The following PTPRM variants were observed in gnomAD, a reference collection of about 807,000 sequenced individuals.
PTPRM encodes receptor-type tyrosine-protein phosphatase mu.
A neutral mutation model predicts 186.7 loss-of-function variants in PTPRM; 47 were observed. The observed-to-expected ratio is 0.25, with a 90% CI of 0.20 to 0.32. The LOEUF (loss-of-function observed/expected upper bound fraction) is 0.32. Ranked by LOEUF, PTPRM falls within the 10% of genes least tolerant of loss-of-function variation. The pLI, the probability that PTPRM is intolerant of heterozygous loss-of-function variation, is 1.00. For missense variants in PTPRM, 1,494 were observed against 1,865.0 expected (o/e 0.80, Z 3.66); for synonymous variants, 668 against 674.9 (o/e 0.99, Z 0.16).
chr18:7,630,582 A>G (rs2038168402), intron 1 of PTPRM, among the ~76,000 whole-genome samples: 1 of 152,176 alleles, frequency 6.6e-6, no homozygotes, highest in Admixed American at 6.5e-5. Flanking sequence ...TAAAAGATGG[A>G]GTAGCCTTTT....
At chr18:8,280,479 T>C (rs1320647259) in intron 19 of PTPRM, among the ~76,000 whole-genome samples, 4 of 151,344 alleles carry the variant, frequency 2.6e-5, no homozygotes, top group African/African-American at 9.7e-5. Context: ...TGCTGAGAGG[T>C]CTCGCAATTT....
chr18:7,605,589 C>G (rs2037513036), intron 1 of PTPRM, among the ~76,000 whole-genome samples: 1 of 152,140 alleles, frequency 6.6e-6, no homozygotes, highest in Admixed American at 6.6e-5. Flanking sequence ...CGAACCAAAT[C>G]TCTTTGGTTA....
intron 13 of PTPRM, among the ~76,000 whole-genome samples, chr18:8,143,415 GC>G (rs2092809136): frequency 1.3e-5 from 2 of 152,142 alleles, no homozygotes; most frequent in South Asian, 4.1e-4. Context: ...AAAGGGTCAG[GC>G]ATGGGTGTGC....
intron 5 of PTPRM, among the ~76,000 whole-genome samples, chr18:7,943,162 T>C (rs1177280253): frequency 1.3e-5 from 2 of 152,100 alleles, no homozygotes; most frequent in Non-Finnish European, 2.9e-5. Flanking sequence ...CTCACCCAGC[T>C]TTCCCCACTC....
intron 11 of PTPRM, among the ~76,000 whole-genome samples, chr18:8,098,620 TAAG>T (rs1368726829): frequency 6.6e-6 from 1 of 152,048 alleles, no homozygotes; most frequent in Non-Finnish European, 1.5e-5. Context: ...TTTTTTTTAA[TAAG>T]AAGAGTAATT....
intron 1 of PTPRM, among the ~76,000 whole-genome samples, chr18:7,601,807 C>T (rs902351068): frequency 1.3e-5 from 2 of 152,192 alleles, no homozygotes; most frequent in African/African-American, 2.4e-5. Context: ...ACCCGGGTAA[C>T]AGTAATCTAC....
intron 1 of PTPRM, among the ~76,000 whole-genome samples, chr18:7,688,439 C>G (rs919724704): frequency 2.6e-5 from 4 of 152,170 alleles, no homozygotes; most frequent in Non-Finnish European, 5.9e-5. Context: ...AAAAGCTGCT[C>G]AGACATCTGA....
intron 22 of PTPRM, among the ~76,000 whole-genome samples, chr18:8,328,279 A>G (rs972298982): frequency 1.3e-5 from 2 of 152,236 alleles, no homozygotes; most frequent in Non-Finnish European, 1.5e-5. Context: ...TCAGAGCGTC[A>G]GTGTAACTTC....
At chr18:7,589,028 T>C (rs1211795634) in intron 1 of PTPRM, among the ~76,000 whole-genome samples, 1 of 152,114 alleles carries the variant, frequency 6.6e-6, no homozygotes, top group Non-Finnish European at 1.5e-5. Flanking sequence ...TTTTAAATTT[T>C]GGAGAGATGG....
At position 8,402,734 on chromosome 18, in the gene PTPRM, T is replaced by C. The variant is rs537078274; in HGVS notation, c.4345-3375T>C. On this transcript the variant is annotated intron_variant, in intron 32 of 32. Transcript: ENST00000580170. ...GGAATTTTGAAATTCCAATTATCTCTTTTAAATATTCTGAAAATAAAAGTA... is the reference window on the plus strand; with the variant it reads ...GGAATTTTGAAATTCCAATTATCTCCTTTAAATATTCTGAAAATAAAAGTA... The C allele has an allele frequency of 7.2e-5, 11 of 152,328 alleles. No homozygotes were observed. The East Asian group carries it at 2.1e-3, about 29-fold the overall frequency. The allele number at this position is 152,328 out of a possible 1,614,324, so 9.4% of individuals were successfully genotyped here. A position where few individuals can be genotyped will look rare whatever the true frequency, so the allele number is the denominator to read the frequency against.
chr18:8,182,339 G>A (rs2093587309), intron 14 of PTPRM, among the ~76,000 whole-genome samples: 1 of 152,106 alleles, frequency 6.6e-6, no homozygotes. Flanking sequence ...GTATCCAATA[G>A]GTAGTTTTCC....
chr18:8,167,604 AG>A (rs2093341767), intron 14 of PTPRM, among the ~76,000 whole-genome samples: 1 of 152,246 alleles, frequency 6.6e-6, no homozygotes, highest in Non-Finnish European at 1.5e-5. Context: ...TGTACCTCTG[AG>A]GACTAATGAG....
Position 7,567,559 on chromosome 18 carries a change from G to T in PTPRM, c.-260G>T, listed in dbSNP as rs1027314915. 3.5e-4 allele frequency: 130 copies of T among 374,356 alleles called. No individual in the cohort carries two copies. Among genetic ancestry groups the T allele is most frequent in the Non-Finnish European group, 5.3e-4 (112 of 211,780 alleles). 23.2% of individuals were successfully genotyped at this position (374,356 alleles called of 1,614,324 possible). The stretch of plus-strand genomic sequence containing the variant: ...GGGAAGATTTTGGCTCCGCGGGCTC[G>T]CCCTCCGCTCCCTCTGCCAGCGGCG... On this transcript the variant is annotated 5_prime_UTR_variant, in exon 1 of 33. Transcript: ENST00000580170. This position sits in a 1 kb window ranked among gnomAD's most constrained non-coding sequence, Gnocchi z 4.3.
chr18:7,924,154 G>A (rs2051033807), intron 4 of PTPRM, among the ~76,000 whole-genome samples: 1 of 152,206 alleles, frequency 6.6e-6, no homozygotes, highest in Non-Finnish European at 1.5e-5. Context: ...CACAGCCACG[G>A]TTACTCCCTG....
In PTPRM at chr18:7,567,915, C is replaced by T; in HGVS notation, c.73+24C>T. 6.5e-7 allele frequency: 1 copy of T among 1,536,042 alleles called. No homozygotes were observed. The highest frequency in any genetic ancestry group is 8.7e-7 in the Non-Finnish European group (1 of 1,150,738). Reference sequence around the variant, plus strand: ...AGGTAAGCGGGACCGCCTCTGCCGCCCCCGAGGCGCGCGGGCCGGCGCGGG... The same window carrying T: ...AGGTAAGCGGGACCGCCTCTGCCGCTCCCGAGGCGCGCGGGCCGGCGCGGG... On this transcript the variant is annotated intron_variant, in intron 1 of 32. Coordinates refer to ENST00000580170, the MANE Select transcript of PTPRM (RefSeq NM_001105244.2). The surrounding 1 kb of genome is among the most constrained non-coding windows in gnomAD (Gnocchi z 4.3).
At chr18:7,754,060 T>C (rs1043127460) in intron 1 of PTPRM, among the ~76,000 whole-genome samples, 1 of 152,232 alleles carries the variant, frequency 6.6e-6, no homozygotes, top group African/African-American at 2.4e-5. Context: ...GTTTTATTTT[T>C]CAAAATGACA....
At chr18:7,749,453 T>C (rs1320700248) in intron 1 of PTPRM, 1 of 152,200 alleles carries the variant, frequency 6.6e-6, no homozygotes, top group African/African-American at 2.4e-5. Flanking sequence ...CTGGTTTCCT[T>C]GTATACTTTG....
chr18:8,024,270 C>T (rs1419012084), intron 7 of PTPRM, among the ~76,000 whole-genome samples: 1 of 151,706 alleles, frequency 6.6e-6, no homozygotes. Context: ...TTTCAAGTAA[C>T]TGAAAATTTA....
At chr18:7,769,035 A>G (rs1411534565) in intron 1 of PTPRM, among the ~76,000 whole-genome samples, 1 of 152,126 alleles carries the variant, frequency 6.6e-6, no homozygotes. Flanking sequence ...GAGTGTGGTC[A>G]CATACTGTCA....
Sources: allele counts gnomAD v4.1 joint callset (sites outside exome capture counted in the v4.1 genomes callset), GRCh38; gene constraint gnomAD v4.1.1; non-coding constraint Gnocchi (gnomAD v3.1); transcripts MANE v1.5; gene names NCBI Gene and HGNC (gene_info 2026-07-23, HGNC 2026-07-21).